Variants in SAMD12 observed in about 807,000 individuals in gnomAD.
SAMD12 encodes sterile alpha motif domain containing 12, also known as sterile alpha motif domain-containing protein 12.
A neutral mutation model predicts 15.0 loss-of-function variants in SAMD12; 9 were observed. The ratio of observed to expected loss-of-function variants is 0.60; its 90% confidence interval spans 0.36 to 1.05. SAMD12 has a LOEUF of 1.05. Ranked by LOEUF, SAMD12 falls within the 50% of genes least tolerant of loss-of-function variation. The pLI, the probability that SAMD12 is intolerant of heterozygous loss-of-function variation, is 0.01. For synonymous variants in SAMD12, 86 were observed against 90.1 expected (o/e 0.96, Z 0.25); for missense variants, 230 against 234.2 (o/e 0.98, Z 0.12).
At chr8:118,277,490 T>C (rs1328347853) in intron 4 of SAMD12, among the ~76,000 whole-genome samples, 3 of 152,006 alleles carry the variant, frequency 2.0e-5, no homozygotes, top group African/African-American at 7.3e-5. Flanking sequence ...TTGGTTTTGA[T>C]GCAATCATTT....
chr8:118,621,054 G>A (rs992183652), intron 1 of SAMD12: 16 of 152,102 alleles, frequency 1.1e-4, no homozygotes, highest in African/African-American at 3.9e-4. Context: ...GATCCCTCAC[G>A]AACAGCCTGA....
intron 3 of SAMD12, among the ~76,000 whole-genome samples, chr8:118,398,225 CA>C (rs1383648148): frequency 5.9e-5 from 9 of 152,028 alleles, no homozygotes; most frequent in African/African-American, 1.9e-4. Flanking sequence ...AGTGAAACCC[CA>C]TCTCTACTAA....
chr8:118,504,490 A>G (rs1824871299), intron 2 of SAMD12, among the ~76,000 whole-genome samples: 1 of 152,112 alleles, frequency 6.6e-6, no homozygotes, highest in Non-Finnish European at 1.5e-5. Flanking sequence ...ACCTGGCAAA[A>G]CTCAATGCTT....
intron 2 of SAMD12, among the ~76,000 whole-genome samples, chr8:118,546,513 A>G (rs1325627932): frequency 6.6e-6 from 1 of 152,152 alleles, no homozygotes; most frequent in African/African-American, 2.4e-5. Flanking sequence ...ATCTGCTTTC[A>G]GGGCAGATGG....
chr8:118,575,589 G>C (rs1411657912), intron 2 of SAMD12, among the ~76,000 whole-genome samples: 1 of 152,032 alleles, frequency 6.6e-6, no homozygotes, highest in African/African-American at 2.4e-5. Flanking sequence ...TACATCCTTG[G>C]GTTTCTCAGC....
chr8:118,609,269 A>G (rs1265781704), intron 1 of SAMD12, among the ~76,000 whole-genome samples: 12 of 152,220 alleles, frequency 7.9e-5, no homozygotes, highest in Admixed American at 6.5e-4. Flanking sequence ...TTCAAACACA[A>G]AGGACAACAA....
intron 2 of SAMD12, among the ~76,000 whole-genome samples, chr8:118,526,795 C>A (rs1018531633): frequency 6.6e-6 from 1 of 152,154 alleles, no homozygotes; most frequent in African/African-American, 2.4e-5. Context: ...AGCCTCCATA[C>A]AGTCCATAGA....
intron 1 of SAMD12, among the ~76,000 whole-genome samples, chr8:118,603,773 G>A (rs569512893): frequency 6.6e-6 from 1 of 152,136 alleles, no homozygotes; most frequent in East Asian, 1.9e-4. Flanking sequence ...CGACCTATTC[G>A]GAACAAATAT....
intron 2 of SAMD12, among the ~76,000 whole-genome samples, chr8:118,449,027 G>A (rs546755465): frequency 6.6e-6 from 1 of 151,960 alleles, no homozygotes; most frequent in Non-Finnish European, 1.5e-5. Context: ...CCTGGCTTGG[G>A]GAAGCAGTGG....
intron 2 of SAMD12, among the ~76,000 whole-genome samples, chr8:118,553,875 C>G (rs1240654714): frequency 3.4e-5 from 5 of 149,174 alleles, no homozygotes; most frequent in Non-Finnish European, 3.0e-5. Context: ...GGGCGAAGGA[C>G]ATGAACAGAC....
At chr8:118,484,782 C>T (rs993321516) in intron 2 of SAMD12, among the ~76,000 whole-genome samples, 1 of 152,008 alleles carries the variant, frequency 6.6e-6, no homozygotes, top group Admixed American at 6.5e-5. Context: ...CAGAAGATGG[C>T]CAGAAAAAAA....
intron 2 of SAMD12, among the ~76,000 whole-genome samples, chr8:118,564,611 T>C (rs1206935708): frequency 6.6e-6 from 1 of 152,146 alleles, no homozygotes; most frequent in Non-Finnish European, 1.5e-5. Context: ...ATACCCATCT[T>C]TGTTGGGGTT....
intron 4 of SAMD12, among the ~76,000 whole-genome samples, chr8:118,262,989 G>T (rs1395240223): frequency 6.6e-6 from 1 of 151,876 alleles, no homozygotes; most frequent in African/African-American, 2.4e-5. Context: ...TAAAACTTTT[G>T]CTTTATTGAC....
chr8:118,335,962 C>A (rs761001579), intron 4 of SAMD12, among the ~76,000 whole-genome samples: 5 of 152,160 alleles, frequency 3.3e-5, no homozygotes, highest in African/African-American at 4.8e-5. Context: ...TGGGCTCAAG[C>A]AATCCATTGC....
At chr8:118,197,605 C>T (rs982046679) in exon 5 of SAMD12, 49 of 980,738 alleles carry the variant, frequency 5.0e-5, no homozygotes, top group Middle Eastern at 2.1e-4. Context: ...AATCTGTCCA[C>T]GATCCAAGGA....
At chr8:118,394,611 T>C (rs1284788849) in intron 3 of SAMD12, among the ~76,000 whole-genome samples, 1 of 152,180 alleles carries the variant, frequency 6.6e-6, no homozygotes, top group African/African-American at 2.4e-5. Flanking sequence ...TTTTCATGTA[T>C]ATTTGAATTG....
intron 3 of SAMD12, among the ~76,000 whole-genome samples, chr8:118,406,889 A>ATT (rs1821155100): frequency 1.2e-5 from 1 of 81,066 alleles, no homozygotes; most frequent in African/African-American, 6.4e-5. Flanking sequence ...ACAATATTCC[A>ATT]TTGTGTGTGT....
At chr8:118,138,443 T>C in the SAMD12 span, among the ~76,000 whole-genome samples, 869 of 152,252 alleles carry the variant, frequency 5.7e-3, 8 homozygotes, top group Non-Finnish European at 8.2e-3. Flanking sequence ...AGTGCCCTTA[T>C]AAAGGAGGCT....
chr8:118,393,790 TG>T (rs1212296233), intron 3 of SAMD12, among the ~76,000 whole-genome samples: 1 of 151,894 alleles, frequency 6.6e-6, no homozygotes. Flanking sequence ...TTAGTAGAGA[TG>T]GTGTTTCACC....
Sources: gnomAD v4.1 joint callset for allele counts (sites outside exome capture counted in the v4.1 genomes callset) on GRCh38, gnomAD v4.1.1 for gene constraint, MANE v1.5 for transcripts, NCBI Gene and HGNC (gene_info 2026-07-23, HGNC 2026-07-21) for gene names.